Variants in MEIS1 observed in about 807,000 individuals in gnomAD.
The protein encoded by MEIS1 is Meis homeobox 1.
MEIS1 carries 5 observed loss-of-function variants against 50.8 expected under a neutral mutation model. That is an observed-to-expected ratio of 0.10 (90% CI 0.05 to 0.21). MEIS1 has a LOEUF of 0.21. Ranked by LOEUF, MEIS1 falls within the 10% of genes least tolerant of loss-of-function variation. The pLI, the probability that MEIS1 is intolerant of heterozygous loss-of-function variation, is 1.00. For synonymous variants in MEIS1, 176 were observed against 179.3 expected (o/e 0.98, Z 0.15); for missense variants, 318 against 517.3 (o/e 0.61, Z 3.74).
At chr2:66,507,114 T>A (rs1277766442) in intron 7 of MEIS1, among the ~76,000 whole-genome samples, 1 of 152,216 alleles carries the variant, frequency 6.6e-6, no homozygotes, top group Non-Finnish European at 1.5e-5. Context: ...CCTATTTGCA[T>A]GAAAATGTAG....
At chr2:66,446,542 G>T (rs1047424691) in intron 6 of MEIS1, among the ~76,000 whole-genome samples, 3 of 152,104 alleles carry the variant, frequency 2.0e-5, no homozygotes, top group Admixed American at 1.3e-4. Flanking sequence ...GGGAGGCAGA[G>T]AAATGGTCCC....
At chr2:66,439,364 T>G in intron 2 of MEIS1, 1 of 1,236,872 alleles carries the variant, frequency 8.1e-7, no homozygotes, top group Non-Finnish European at 1.0e-6. Context: ...TTCCCCAAGT[T>G]AGCTGAGCGC....
intron 9 of MEIS1, among the ~76,000 whole-genome samples, chr2:66,553,392 T>C (rs1414985961): frequency 1.3e-5 from 2 of 152,224 alleles, no homozygotes; most frequent in African/African-American, 4.8e-5. Context: ...CTTTTCACCT[T>C]GAGTGTCAAT....
At chr2:66,544,483 A>T (rs1674739646) in intron 8 of MEIS1, among the ~76,000 whole-genome samples, 1 of 152,126 alleles carries the variant, frequency 6.6e-6, no homozygotes, top group African/African-American at 2.4e-5. Flanking sequence ...AGTTTGTGGG[A>T]CACTAAGGCC....
intron 12 of MEIS1, chr2:66,570,496 G>A (rs1675458830): frequency 6.6e-6 from 1 of 152,126 alleles, no homozygotes; most frequent in South Asian, 2.1e-4. Flanking sequence ...CTTATTCGAA[G>A]GTGTTCATCG....
intron 7 of MEIS1, among the ~76,000 whole-genome samples, chr2:66,483,032 G>A (rs1272308759): frequency 6.6e-6 from 1 of 152,154 alleles, no homozygotes; most frequent in Admixed American, 6.5e-5. Context: ...CCTACTTATA[G>A]GACTGCTGAG....
chr2:66,449,434 T>G (rs1171977619), intron 6 of MEIS1, among the ~76,000 whole-genome samples: 1 of 152,084 alleles, frequency 6.6e-6, no homozygotes. Flanking sequence ...TTCAAGCAAA[T>G]GAGTGTGTCC....
intron 8 of MEIS1, among the ~76,000 whole-genome samples, chr2:66,538,577 TCATCTCTAACTTTAATAA>T (rs1674574312): frequency 6.6e-6 from 1 of 152,200 alleles, no homozygotes; most frequent in Non-Finnish European, 1.5e-5. Context: ...GGGATTTTAG[TCATCTCTAACTTTAATAA>T]CATTCATTCA....
At chr2:66,493,376 G>C (rs1313218404) in intron 7 of MEIS1, among the ~76,000 whole-genome samples, 1 of 152,072 alleles carries the variant, frequency 6.6e-6, no homozygotes, top group Non-Finnish European at 1.5e-5. Context: ...ATGAAGCCTT[G>C]CTAGCTTCCT....
At chr2:66,504,798 A>T (rs1417094286) in intron 7 of MEIS1, among the ~76,000 whole-genome samples, 1 of 152,214 alleles carries the variant, frequency 6.6e-6, no homozygotes, top group African/African-American at 2.4e-5. Flanking sequence ...GCTCTGCCAC[A>T]GTAGGTTCCC....
At chr2:66,480,276 A>G (rs1261310523) in intron 7 of MEIS1, among the ~76,000 whole-genome samples, 1 of 152,240 alleles carries the variant, frequency 6.6e-6, no homozygotes, top group East Asian at 1.9e-4. Context: ...TGAGCAAAAA[A>G]TATACTGCAT....
In MEIS1 at chr2:66,572,638, C is replaced by CT. The variant is rs1296268688; in HGVS notation, c.*1431dup. On this transcript the variant is annotated 3_prime_UTR_variant, in exon 13 of 13. Coordinates refer to ENST00000272369, the MANE Select transcript of MEIS1 (RefSeq NM_002398.3). ...AATTATTAATAACAATCATTGCACACTGAGTCTTAGCGTTTCTGATGGAAA... is the reference window on the plus strand; with the variant it reads ...AATTATTAATAACAATCATTGCACACTTGAGTCTTAGCGTTTCTGATGGAAA... 2 of 152,130 alleles carry CT rather than the reference C, an allele frequency of 1.3e-5. No individual in the cohort carries two copies. The highest frequency in any genetic ancestry group is 4.8e-5 in the African/African-American group (2 of 41,428). 9.4% of individuals were successfully genotyped at this position (152,130 alleles called of 1,614,324 possible).
In MEIS1 at chr2:66,573,497, C is replaced by A. The variant is rs966428993; in HGVS notation, c.*2289C>A. ...AGGCCCAAGTCACCCTATAAACCGG[C>A]CCTTAGCAATTCTATTTTCTATTCG... On this transcript the variant is annotated 3_prime_UTR_variant, in exon 13 of 13. Transcript: ENST00000272369. 1 of 152,202 alleles carries A rather than the reference C, an allele frequency of 6.6e-6. No individual in the cohort carries two copies. Among genetic ancestry groups the A allele is most frequent in the African/African-American group, 2.4e-5 (1 of 41,438 alleles). 9.4% of individuals were successfully genotyped at this position (152,202 alleles called of 1,614,324 possible). A position where few individuals can be genotyped will look rare whatever the true frequency, so the allele number is the denominator to read the frequency against.
intron 8 of MEIS1, among the ~76,000 whole-genome samples, chr2:66,539,228 G>A (rs1278042222): frequency 1.3e-5 from 2 of 152,098 alleles, no homozygotes; most frequent in African/African-American, 2.4e-5. Context: ...TCCTGTATAA[G>A]CAATGCTACA....
At chr2:66,484,969 T>C (rs982602138) in intron 7 of MEIS1, among the ~76,000 whole-genome samples, 25 of 152,150 alleles carry the variant, frequency 1.6e-4, no homozygotes, top group African/African-American at 7.2e-5. Flanking sequence ...ACATAGAAAA[T>C]TTAAAATATA....
At chr2:66,447,595 G>A (rs1453294773) in intron 6 of MEIS1, among the ~76,000 whole-genome samples, 3 of 152,016 alleles carry the variant, frequency 2.0e-5, no homozygotes, top group Admixed American at 6.5e-5. Flanking sequence ...TTGTTTACTG[G>A]GTATATTTTT....
At chr2:66,435,919 C>T (rs368747831) in intron 1 of MEIS1, 51 bp downstream of exon 1, 2 of 1,516,044 alleles carry the variant, frequency 1.3e-6, no homozygotes, top group Admixed American at 4.9e-5. Context: ...TAAATTGAAA[C>T]GTGGCCGAAA....
At chr2:66,488,952 T>G (rs1427601346) in intron 7 of MEIS1, among the ~76,000 whole-genome samples, 2 of 152,222 alleles carry the variant, frequency 1.3e-5, no homozygotes, top group Non-Finnish European at 2.9e-5. Context: ...CCTGTCAATC[T>G]TATGTTTTCT....
Position 66,557,278 on chromosome 2 carries a change from T to C in MEIS1, c.965+9259T>C, listed in dbSNP as rs539385066. ...AATGTACTTATTTTTAACAGCTTTA[T>C]TGAGATATAATTCATAAACCATCAT... On this transcript the variant is annotated intron_variant, in intron 9 of 12. Coordinates refer to ENST00000272369, the MANE Select transcript of MEIS1 (RefSeq NM_002398.3). 1.8e-4 allele frequency among the ~76,000 whole-genome samples: 27 copies of C among 152,322 alleles called. 1 individual carries two copies. In the South Asian group the frequency reaches 5.4e-3, roughly 30 times the overall value.
Sources: gnomAD v4.1 joint callset for allele counts (sites outside exome capture counted in the v4.1 genomes callset) on GRCh38, gnomAD v4.1.1 for gene constraint, MANE v1.5 for transcripts, NCBI Gene and HGNC (gene_info 2026-07-23, HGNC 2026-07-21) for gene names.